SPCS3: variants seen among roughly 807,000 people sequenced by gnomAD.
The protein encoded by SPCS3 is signal peptidase complex subunit 3, also known as SPase 22 kDa subunit.
SPCS3 carries 9 observed loss-of-function variants against 17.2 expected under a neutral mutation model. The ratio of observed to expected loss-of-function variants is 0.52; its 90% CI spans 0.31 to 0.91. SPCS3 has a LOEUF of 0.91. Among genes scored for constraint, SPCS3 ranks in the 40% least tolerant of loss-of-function variants. The pLI is 0.04. For missense variants in SPCS3, 139 were observed against 217.5 expected (o/e 0.64, Z 2.27); for synonymous variants, 87 against 89.6 (o/e 0.97, Z 0.16).
chr4:176,326,373 G>A (rs1202696702), intron 3 of SPCS3, among the ~76,000 whole-genome samples: 1 of 151,830 alleles, frequency 6.6e-6, no homozygotes, highest in Non-Finnish European at 1.5e-5. Flanking sequence ...CTGAGTAATT[G>A]GCCTTAAAAG....
intron 1 of SPCS3, 196 bp from the exon 2 acceptor site, chr4:176,321,974 G>T: frequency 2.3e-6 from 1 of 438,532 alleles, no homozygotes. Flanking sequence ...TATGCAATTA[G>T]CTGAAGACCT....
At chr4:176,320,642 C>A (rs1487068266) in intron 1 of SPCS3, 1 of 152,990 alleles carries the variant, frequency 6.5e-6, no homozygotes, top group Non-Finnish European at 1.5e-5. Flanking sequence ...CAGGCGCTGC[C>A]GCCGCGCTCT....
chr4:176,321,489 G>A (rs949220200), intron 1 of SPCS3: 2 of 152,282 alleles, frequency 1.3e-5, no homozygotes, highest in Non-Finnish European at 2.9e-5. Flanking sequence ...CCTTAATGGG[G>A]TAGGTATACG....
chr4:176,330,284 A>AC lies in SPCS3; in HGVS notation c.*1955dup, dbSNP rs1305964492. 6.6e-6 allele frequency: 1 copy of AC among 152,228 alleles called. No individual in the cohort carries two copies. Among genetic ancestry groups the AC allele is most frequent in the Non-Finnish European group, 1.5e-5 (1 of 68,028 alleles). 9.4% of individuals were successfully genotyped at this position (152,228 alleles called of 1,614,324 possible). ...GTTTGTACAAATACTAGACATGGAAACTTAAAATGTGCAGGTGTCAAAGCT... is the reference window on the plus strand; with the variant it reads ...GTTTGTACAAATACTAGACATGGAAACCTTAAAATGTGCAGGTGTCAAAGCT... On this transcript the variant is annotated 3_prime_UTR_variant, in exon 5 of 5. Coordinates refer to ENST00000503362, the MANE Select transcript of SPCS3 (RefSeq NM_021928.4).
chr4:176,326,384 C>T (rs557862387), intron 3 of SPCS3, among the ~76,000 whole-genome samples: 8 of 152,086 alleles, frequency 5.3e-5, no homozygotes, highest in East Asian at 1.9e-4. Context: ...GCCTTAAAAG[C>T]GAATAGATGC....
intron 3 of SPCS3, 97 bp from the exon 4 acceptor site, chr4:176,327,065 T>G: frequency 1.4e-6 from 1 of 689,926 alleles, no homozygotes; most frequent in East Asian, 3.3e-5. Flanking sequence ...GTTGAATTCA[T>G]TAACATGTCA....
At chr4:176,321,208 T>C (rs1731534057) in intron 1 of SPCS3, 1 of 151,980 alleles carries the variant, frequency 6.6e-6, no homozygotes, top group African/African-American at 2.4e-5. Context: ...TTGTTAGATA[T>C]TGTTCGAATA....
chr4:176,323,986 T>G (rs1427357779), intron 2 of SPCS3, among the ~76,000 whole-genome samples, 195 bp from the exon 3 acceptor site: 1 of 152,138 alleles, frequency 6.6e-6, no homozygotes, highest in Admixed American at 6.5e-5. Flanking sequence ...GACATTTTTT[T>G]GTTTTGGAAT....
rs1731669132 is a variant in SPCS3 at position 176,330,417 on chromosome 4, G to C, written c.*2087G>C. On this transcript the variant is annotated 3_prime_UTR_variant, in exon 5 of 5. Coordinates refer to ENST00000503362, the MANE Select transcript of SPCS3 (RefSeq NM_021928.4). The stretch of plus-strand genomic sequence containing the variant: ...TGATACTTCTGTGATGAGTGGATCT[G>C]TTAGTCTGGTAGAGATTAATGTTGA... The C allele has an allele frequency of 6.6e-6, 1 of 152,176 alleles. No homozygotes were observed. Among genetic ancestry groups the C allele is most frequent in the East Asian group, 1.9e-4 (1 of 5,200 alleles). The allele number at this position is 152,176 out of a possible 1,614,324, so 9.4% of individuals were successfully genotyped here.
intron 2 of SPCS3, 97 bp downstream of exon 2, chr4:176,322,340 A>C (rs763815455): frequency 9.9e-6 from 8 of 804,398 alleles, no homozygotes; most frequent in African/African-American, 1.8e-5. Context: ...TATCTCATTG[A>C]ATCAGCCAAA....
chr4:176,324,335 A>G (rs1477628911), intron 3 of SPCS3, 78 bp downstream of exon 3: 1 of 681,460 alleles, frequency 1.5e-6, no homozygotes, highest in Non-Finnish European at 2.0e-6. Flanking sequence ...ATTTTTATAT[A>G]TTTAAAATAT....
At position 176,329,788 on chromosome 4, in the gene SPCS3, C is replaced by T. The variant is rs911572679; in HGVS notation, c.*1458C>T. On this transcript the variant is annotated 3_prime_UTR_variant, in exon 5 of 5. Coordinates refer to ENST00000503362, the MANE Select transcript of SPCS3 (RefSeq NM_021928.4). Reference sequence around the variant, plus strand: ...AGCAAGACCAAACACTGTAGTTACACTATTAGCAGTGACCAAAAAGGGCTA... The same window carrying T: ...AGCAAGACCAAACACTGTAGTTACATTATTAGCAGTGACCAAAAAGGGCTA... The T allele has an allele frequency of 5.3e-5, 8 of 151,980 alleles. No homozygotes were observed. Among genetic ancestry groups the T allele is most frequent in the Non-Finnish European group, 1.0e-4 (7 of 67,958 alleles). 9.4% of individuals were successfully genotyped at this position (151,980 alleles called of 1,614,324 possible). A position where few individuals can be genotyped will look rare whatever the true frequency, so the allele number is the denominator to read the frequency against.
Position 176,328,399 on chromosome 4 carries a change from C to T in SPCS3, c.*69C>T. On this transcript the variant is annotated 3_prime_UTR_variant, in exon 5 of 5. Coordinates refer to ENST00000503362, the MANE Select transcript of SPCS3 (RefSeq NM_021928.4). ...TGTATCTCATTAATCTCTTCCCTTA[C>T]ATCTTCATGTATTGTTGGTTTGTTT... 6.1e-6 allele frequency: 7 copies of T among 1,153,618 alleles called. No individual in the cohort carries two copies. Among genetic ancestry groups the T allele is most frequent in the South Asian group, 2.0e-5 (1 of 49,392 alleles). The allele number at this position is 1,153,618 out of a possible 1,614,324, so 71.5% of individuals were successfully genotyped here. A position where few individuals can be genotyped will look rare whatever the true frequency, so the allele number is the denominator to read the frequency against.
chr4:176,328,698 T>G lies in SPCS3; in HGVS notation c.*368T>G, dbSNP rs540473788. ...AAACTTTCAGGTGCCTGTAGAGTCATAATAACTGTATTTTATGCCTTGCAT... is the reference window on the plus strand; with the variant it reads ...AAACTTTCAGGTGCCTGTAGAGTCAGAATAACTGTATTTTATGCCTTGCAT... On this transcript the variant is annotated 3_prime_UTR_variant, in exon 5 of 5. Transcript: ENST00000503362. 6.5e-6 allele frequency: 1 copy of G among 153,416 alleles called. No homozygotes were observed. The highest frequency in any genetic ancestry group is 1.9e-4 in the East Asian group (1 of 5,256). The allele number at this position is 153,416 out of a possible 1,614,324, so 9.5% of individuals were successfully genotyped here.
Position 176,329,459 on chromosome 4 carries a change from C to T in SPCS3, c.*1129C>T, listed in dbSNP as rs1731653750. On this transcript the variant is annotated 3_prime_UTR_variant, in exon 5 of 5. Coordinates refer to ENST00000503362, the MANE Select transcript of SPCS3 (RefSeq NM_021928.4). ...AGACTAATCAAATTTTACTTAAAAC[C>T]TTCCTGATATTTTTGTTACCCTGGA... The T allele has an allele frequency of 6.6e-6, 1 of 152,084 alleles. No homozygotes were observed. Among genetic ancestry groups the T allele is most frequent in the African/African-American group, 2.4e-5 (1 of 41,414 alleles). The allele number at this position is 152,084 out of a possible 1,614,324, so 9.4% of individuals were successfully genotyped here.
In SPCS3 at chr4:176,330,195, A is replaced by G. The variant is rs1731665592; in HGVS notation, c.*1865A>G. The G allele has an allele frequency of 6.6e-6, 1 of 152,240 alleles. No individual in the cohort carries two copies. The highest frequency in any genetic ancestry group is 2.4e-5 in the African/African-American group (1 of 41,460). 9.4% of individuals were successfully genotyped at this position (152,240 alleles called of 1,614,324 possible). ...AGGAAAACGAATGAAAGTCTAACAC[A>G]TAACTCATATTGATTTACTTTATTT... On this transcript the variant is annotated 3_prime_UTR_variant, in exon 5 of 5. Transcript: ENST00000503362.
At chr4:176,325,676 G>A (rs1731596847) in intron 3 of SPCS3, among the ~76,000 whole-genome samples, 1 of 151,962 alleles carries the variant, frequency 6.6e-6, no homozygotes, top group South Asian at 2.1e-4. Flanking sequence ...CTTTGTTTTA[G>A]GGTTGCATGG....
chr4:176,323,810 C>T lies in SPCS3; in HGVS notation c.218-371C>T, dbSNP rs1002558541. On this transcript the variant is annotated intron_variant, in intron 2 of 4. Coordinates refer to ENST00000503362, the MANE Select transcript of SPCS3 (RefSeq NM_021928.4). ...TGGTGATTGTTTATACTTTAGAGCTCCAGTGGAATTGTATTTGCTTGAAAT... is the reference window on the plus strand; with the variant it reads ...TGGTGATTGTTTATACTTTAGAGCTTCAGTGGAATTGTATTTGCTTGAAAT... Among the ~76,000 whole-genome samples, 11 of 149,610 alleles carry T rather than the reference C, an allele frequency of 7.4e-5. No individual in the cohort carries two copies. In the East Asian group the frequency reaches 7.8e-4, roughly 11 times the overall value.
At chr4:176,327,301 T>G in intron 4 of SPCS3, 24 bp downstream of exon 4, 1 of 1,358,664 alleles carries the variant, frequency 7.4e-7, no homozygotes, top group Non-Finnish European at 1.0e-6. Flanking sequence ...GGTCATTTTT[T>G]TACATTTAAT....
Sources: allele counts gnomAD v4.1 joint callset (sites outside exome capture counted in the v4.1 genomes callset), GRCh38; gene constraint gnomAD v4.1.1; transcripts MANE v1.5; gene names NCBI Gene and HGNC (gene_info 2026-07-23, HGNC 2026-07-21).